The following FCGR1A variants were observed in gnomAD, a reference collection of about 807,000 sequenced individuals.
FCGR1A encodes the protein Fc gamma receptor Ia.
In FCGR1A, 13 loss-of-function variants were observed where a neutral mutation model predicts 35.0. The ratio of observed to expected loss-of-function variants is 0.37; its 90% CI spans 0.24 to 0.59. The LOEUF (loss-of-function observed/expected upper bound fraction) is 0.59, where lower values mean the gene tolerates loss of function less well. FCGR1A is among the 20% of genes least tolerant of loss of function. The pLI is 0.71. For synonymous variants in FCGR1A, 91 were observed against 164.7 expected, an observed-to-expected ratio of 0.55 and a Z score of 3.43; for missense variants, 227 against 430.0, an observed-to-expected ratio of 0.53 and a Z score of 4.17.
chr1:149,797,727 A>G, the FCGR1A span, among the ~76,000 whole-genome samples: 1 of 152,080 alleles, frequency 6.6e-6, no homozygotes, highest in African/African-American at 2.4e-5. Flanking sequence ...CCTCCCTAGC[A>G]GTTCGAACTA....
intron 3 of FCGR1A, among the ~76,000 whole-genome samples, chr1:149,785,421 T>G (rs1247302449): frequency 7.4e-6 from 1 of 135,744 alleles, no homozygotes; most frequent in Admixed American, 7.2e-5. Context: ...TTTTTTTTTT[T>G]TTTTTTTTTT....
downstream of FCGR1A, chr1:149,793,125 G>A: frequency 1.6e-6 from 2 of 1,245,480 alleles, no homozygotes; most frequent in Non-Finnish European, 2.1e-6. Context: ...CCTCAGGTGC[G>A]CCCGGCCGAG....
At chr1:149,786,953 G>A (rs1487273183) in intron 3 of FCGR1A, 2 of 152,078 alleles carry the variant, frequency 1.3e-5, no homozygotes, top group Non-Finnish European at 2.9e-5. Flanking sequence ...TGTTTGAAAA[G>A]CATATGAATT....
chr1:149,791,167 C>T (rs2091700703), intron 5 of FCGR1A, 70 bp from the exon 6 acceptor site: 1 of 1,604,786 alleles, frequency 6.2e-7, no homozygotes, highest in African/African-American at 1.3e-5. Context: ...CCTTCCCTTC[C>T]AAACATAACT....
chr1:149,788,584 T>C lies in FCGR1A; in HGVS notation c.526T>C (p.Tyr176His). The C allele has an allele frequency of 2.5e-6, 4 of 1,614,002 alleles. No individual in the cohort carries two copies. Among genetic ancestry groups the C allele is most frequent in the Non-Finnish European group, 3.4e-6 (4 of 1,179,868 alleles). Residue 176 changes from tyrosine to histidine, a missense_variant, in exon 4 of 6, where the codon TAC (tyrosine) becomes CAC (histidine). Physicochemically the swap from Tyr to His is moderately conservative, Grantham distance 83. This residue lies in a region of FCGR1A where 185 missense variants were observed against 306.6 expected (regional missense o/e 0.60). Coordinates refer to ENST00000369168, the MANE Select transcript of FCGR1A (RefSeq NM_000566.4). ...TTGCTCAGGCATGGGAAAGCATCGC[T>C]ACACATCAGCAGGAATATCTGTCAC... The part of the protein sequence containing the change: ...YHCSGMGKHR[Y>H]TSAGISVTVK...
rs1553751624 is a variant in FCGR1A at position 149,790,326 on chromosome 1, C to G, written c.832C>G (p.Leu278Val). Residue 278 changes from leucine to valine, a missense_variant, in exon 5 of 6, where the codon CTT becomes GTT. Physicochemically the swap from Leu to Val is conservative, Grantham distance 32. Around this residue, in one of 3 missense-constraint regions of FCGR1A, gnomAD observed 185 missense variants for 306.6 expected, o/e 0.60. Transcript: ENST00000369168. ...NVLKRSPELE[L>V]QVLGLQLPTP... ...CCTTAAGCGCAGCCCTGAGTTGGAGCTTCAAGTGCTTGGTGAGTGAGAATG... is the reference window on the plus strand; with the variant it reads ...CCTTAAGCGCAGCCCTGAGTTGGAGGTTCAAGTGCTTGGTGAGTGAGAATG... The G allele has an allele frequency of 6.3e-7, 1 of 1,587,544 alleles. No homozygotes were observed. The highest frequency in any genetic ancestry group is 2.3e-5 in the East Asian group (1 of 44,384).
intron 4 of FCGR1A, among the ~76,000 whole-genome samples, chr1:149,788,822 C>T (rs1336807631): frequency 1.3e-5 from 2 of 152,142 alleles, no homozygotes; most frequent in Admixed American, 6.5e-5. Context: ...TCCAGTGTAC[C>T]GCAACCCCCA....
the FCGR1A span, among the ~76,000 whole-genome samples, chr1:149,797,002 T>C: frequency 6.6e-6 from 1 of 152,190 alleles, no homozygotes; most frequent in East Asian, 1.9e-4. Flanking sequence ...AACCTCCATC[T>C]CCCAGGTTCA....
chr1:149,793,009 C>T (rs1553752294), downstream of FCGR1A: 3 of 1,267,886 alleles, frequency 2.4e-6, no homozygotes, highest in Non-Finnish European at 3.1e-6. Flanking sequence ...AGCTGAGTCC[C>T]TCCAACCCCG....
At chr1:149,784,756 G>A (rs1553750642) in intron 3 of FCGR1A, among the ~76,000 whole-genome samples, 1 of 149,988 alleles carries the variant, frequency 6.7e-6, no homozygotes, top group East Asian at 1.9e-4. Context: ...GTGGGTGGTA[G>A]AACACTTTCT....
chr1:149,785,399 A>G (rs1473535750), intron 3 of FCGR1A, among the ~76,000 whole-genome samples: 3 of 116,764 alleles, frequency 2.6e-5, no homozygotes, highest in African/African-American at 6.5e-5. Context: ...AAGCTGACAG[A>G]GCTGTTTCGT....
At chr1:149,785,235 C>T (rs1181361650) in intron 3 of FCGR1A, among the ~76,000 whole-genome samples, 1 of 152,070 alleles carries the variant, frequency 6.6e-6, no homozygotes, top group Non-Finnish European at 1.5e-5. Context: ...TCAATCCACA[C>T]TGGAGGCAAA....
Position 149,791,139 on chromosome 1 carries a change from A to T in FCGR1A, c.845-98A>T. On this transcript the variant is annotated intron_variant, in intron 5 of 5. Transcript: ENST00000369168. Reference sequence around the variant, plus strand: ...GACCAGTGCCTCCCTGAGGACAGGCACATCAGGTCTCAGCCAACCTTCCCT... The same window carrying T: ...GACCAGTGCCTCCCTGAGGACAGGCTCATCAGGTCTCAGCCAACCTTCCCT... 18 of 1,591,196 alleles carry T rather than the reference A, an allele frequency of 1.1e-5. 3 individuals carry two copies. The Middle Eastern group carries it at 6.9e-4, about 61-fold the overall frequency.
the FCGR1A span, among the ~76,000 whole-genome samples, chr1:149,797,508 G>T: frequency 1.3e-5 from 2 of 151,994 alleles, no homozygotes; most frequent in Non-Finnish European, 2.9e-5. Context: ...TTCCATTTTG[G>T]TGGAATAGGA....
At chr1:149,788,245 T>C in intron 3 of FCGR1A, 121 bp from the exon 4 acceptor site, 3 of 1,607,204 alleles carry the variant, frequency 1.9e-6, no homozygotes. Context: ...AGGCCTGAGA[T>C]TTGGCAGAGC....
the FCGR1A span, among the ~76,000 whole-genome samples, chr1:149,798,618 T>TAA: frequency 8.8e-3 from 1,229 of 139,636 alleles, 17 homozygotes; most frequent in African/African-American, 0.029. Context: ...AAACCGACTT[T>TAA]AAAAAAAAAA....
At chr1:149,797,669 C>T in the FCGR1A span, among the ~76,000 whole-genome samples, 3 of 152,202 alleles carry the variant, frequency 2.0e-5, no homozygotes, top group Non-Finnish European at 4.4e-5. Flanking sequence ...ATGATCTCAA[C>T]TCACTGTAAC....
intron 4 of FCGR1A, among the ~76,000 whole-genome samples, chr1:149,789,460 A>G (rs1456452338): frequency 4.6e-5 from 7 of 152,074 alleles, no homozygotes; most frequent in African/African-American, 1.7e-4. Flanking sequence ...TGTGTGAGTC[A>G]GGGTTCACTC....
downstream of FCGR1A, chr1:149,792,663 C>T (rs587707537): frequency 1.3e-5 from 16 of 1,277,586 alleles, 1 homozygote; most frequent in African/African-American, 2.3e-4. Flanking sequence ...ATCTGGGGGC[C>T]GCAGCCGCCA....
Sources: gnomAD v4.1 joint callset for allele counts (sites outside exome capture counted in the v4.1 genomes callset) on GRCh38, gnomAD v4.1.1 for gene constraint, gnomAD v4.1.1 regional missense constraint, MANE v1.5 for transcripts, NCBI Gene and HGNC (gene_info 2026-07-23, HGNC 2026-07-21) for gene names.